The following ZNF624 variants were observed in gnomAD, a reference collection of about 807,000 sequenced individuals.
ZNF624 encodes the protein zinc finger protein 624.
A neutral mutation model predicts 74.7 loss-of-function variants in ZNF624; 43 were observed. That is an observed-to-expected ratio of 0.58 (90% CI 0.45 to 0.74). The LOEUF (loss-of-function observed/expected upper bound fraction) is 0.74. Among genes scored for constraint, ZNF624 ranks in the 30% least tolerant of loss-of-function variants. The pLI, the probability that ZNF624 is intolerant of heterozygous loss-of-function variation, is 0.00. For synonymous variants in ZNF624, 331 were observed against 341.3 expected (o/e 0.97, Z 0.33); for missense variants, 820 against 1,030.0 (o/e 0.80, Z 2.79).
intron 3 of ZNF624, among the ~76,000 whole-genome samples, chr17:16,642,943 G>A (rs1909500221): frequency 6.6e-6 from 1 of 152,154 alleles, no homozygotes; most frequent in African/African-American, 2.4e-5. Flanking sequence ...TTAGTAATTA[G>A]GGAAATAAAG....
At chr17:16,617,282 T>G, downstream of ZNF624, 1 of 1,613,762 alleles carries the variant, frequency 6.2e-7, no homozygotes, top group Non-Finnish European at 8.5e-7. Context: ...GACCATCTTC[T>G]AGATCGAGAC....
intron 3 of ZNF624, among the ~76,000 whole-genome samples, chr17:16,646,674 T>C (rs1489529881): frequency 6.6e-6 from 1 of 152,238 alleles, no homozygotes; most frequent in Non-Finnish European, 1.5e-5. Flanking sequence ...GATTATCTTT[T>C]ATCCTAGCAA....
intron 3 of ZNF624, among the ~76,000 whole-genome samples, chr17:16,636,565 C>G (rs957530551): frequency 6.6e-6 from 1 of 152,110 alleles, no homozygotes; most frequent in African/African-American, 2.4e-5. Flanking sequence ...GGCCGGGCGC[C>G]GTGGCTCATG....
At chr17:16,648,401 T>C (rs1241114916) in intron 2 of ZNF624, among the ~76,000 whole-genome samples, 1 of 152,216 alleles carries the variant, frequency 6.6e-6, no homozygotes, top group Non-Finnish European at 1.5e-5. Context: ...CTCAACAACA[T>C]CTTGTCTAAA....
intron 3 of ZNF624, among the ~76,000 whole-genome samples, chr17:16,645,081 C>T (rs1030791459): frequency 3.3e-5 from 5 of 152,198 alleles, no homozygotes; most frequent in Non-Finnish European, 7.4e-5. Context: ...GCCTATTTTG[C>T]TGTAAGCCTA....
intron 1 of ZNF624, among the ~76,000 whole-genome samples, chr17:16,653,153 A>T (rs892158751): frequency 1.3e-5 from 2 of 152,216 alleles, no homozygotes; most frequent in African/African-American, 4.8e-5. Flanking sequence ...TTTCCCAACC[A>T]ATGCAATAAT....
intron 3 of ZNF624, among the ~76,000 whole-genome samples, chr17:16,636,864 G>A (rs181258761): frequency 1.0e-3 from 157 of 152,062 alleles, no homozygotes; most frequent in African/African-American, 3.5e-3. Flanking sequence ...AATCTCAGCC[G>A]GGTGCAGTGT....
In ZNF624 at chr17:16,621,661, T is replaced by C. The variant is rs1908916238; in HGVS notation, c.*627A>G. The C allele has an allele frequency of 6.6e-6, 1 of 152,190 alleles. No individual in the cohort carries two copies. The highest frequency in any genetic ancestry group is 1.9e-4 in the East Asian group (1 of 5,198). The allele number at this position is 152,190 out of a possible 1,614,324, so 9.4% of individuals were successfully genotyped here. A position where few individuals can be genotyped will look rare whatever the true frequency, so the allele number is the denominator to read the frequency against. ...GGTTCAAAATATTTTCACAGGATAA[T>C]GATCACCTACAGTTGCTCTCCTATG... On this transcript the variant is annotated 3_prime_UTR_variant, in exon 6 of 6. Coordinates refer to ENST00000311331, the MANE Select transcript of ZNF624 (RefSeq NM_020787.4).
chr17:16,652,675 A>G (rs756371525), intron 1 of ZNF624, among the ~76,000 whole-genome samples: 11 of 152,236 alleles, frequency 7.2e-5, no homozygotes, highest in African/African-American at 1.4e-4. Context: ...CCAAAACTCT[A>G]CTGAGACCTC....
chr17:16,622,355 G>A lies in ZNF624; in HGVS notation c.2531C>T (p.Ala844Val), dbSNP rs1247827783. 4.3e-6 allele frequency: 7 copies of A among 1,612,836 alleles called. No individual in the cohort carries two copies. Among genetic ancestry groups the A allele is most frequent in the Non-Finnish European group, 5.9e-6 (7 of 1,179,528 alleles). The change falls in exon 6 of 6, where the codon GCC becomes GTC. Residue 844 changes from alanine (A) to valine (V), a missense_variant. Transcript: ENST00000311331. ...KPYKCNECGK[A>V]FRSSSSLTVH... Reference sequence around the variant, plus strand: ...AGTAAGGCTCGAACTACTCCTGAAGGCTTTTCCACATTCATTACATTTATA... The same window carrying A: ...AGTAAGGCTCGAACTACTCCTGAAGACTTTTCCACATTCATTACATTTATA...
chr17:16,625,188 T>C (rs1293047233), intron 5 of ZNF624, among the ~76,000 whole-genome samples: 2 of 152,168 alleles, frequency 1.3e-5, no homozygotes, highest in Non-Finnish European at 2.9e-5. Flanking sequence ...CTATTTGTTT[T>C]GTTTTGTTTT....
At position 16,622,325 on chromosome 17, in the gene ZNF624, T is replaced by G; in HGVS notation, c.2561A>C (p.His854Pro). The change falls in exon 6 of 6, where the codon CAT becomes CCT. Residue 854 changes from histidine to proline, a missense_variant. His to Pro is a moderately conservative substitution (Grantham distance 77). Coordinates refer to ENST00000311331, the MANE Select transcript of ZNF624 (RefSeq NM_020787.4). ...AGTTTCTCTTTGATGTATTCTTTGA[T>G]GTACAGTAAGGCTCGAACTACTCCT... ...AFRSSSSLTV[H>P]QRIHQRETQL... is the part of the protein sequence containing the mutation. 1 of 1,596,186 alleles carries G rather than the reference T, an allele frequency of 6.3e-7. No homozygotes were observed. The highest frequency in any genetic ancestry group is 8.5e-7 in the Non-Finnish European group (1 of 1,173,930).
At chr17:16,636,799 G>A (rs1909342872) in intron 3 of ZNF624, among the ~76,000 whole-genome samples, 1 of 151,246 alleles carries the variant, frequency 6.6e-6, no homozygotes. Flanking sequence ...TTGCGCCACT[G>A]CACTCCAGCC....
chr17:16,644,673 A>G (rs1051043739), intron 3 of ZNF624, among the ~76,000 whole-genome samples: 2 of 152,236 alleles, frequency 1.3e-5, no homozygotes, highest in African/African-American at 4.8e-5. Flanking sequence ...ATTAGCTTAT[A>G]CTGAGAAAGT....
At chr17:16,633,837 ATCT>A in intron 5 of ZNF624, 22 bp downstream of exon 5, 3 of 1,559,458 alleles carry the variant, frequency 1.9e-6, no homozygotes, top group Non-Finnish European at 2.7e-6. Context: ...AATAAATCCC[ATCT>A]TCTTGGTTCT....
intron 3 of ZNF624, among the ~76,000 whole-genome samples, chr17:16,638,515 T>C (rs1276527476): frequency 6.6e-6 from 1 of 152,170 alleles, no homozygotes; most frequent in Non-Finnish European, 1.5e-5. Context: ...ATATACACCA[T>C]GGAATACTAT....
In ZNF624 at chr17:16,650,616, A is replaced by C. The variant is rs193201110; in HGVS notation, c.-2-870T>G. The stretch of plus-strand genomic sequence containing the variant: ...GCTAATGATATGTATGGCCTTGCTG[A>C]GGCTGAGTTTGGTTCAAGAACCAGG... On this transcript the variant is annotated intron_variant, in intron 1 of 5. Transcript: ENST00000311331. Among the ~76,000 whole-genome samples the C allele has an allele frequency of 1.3e-3, 193 of 152,208 alleles. 1 individual carries two copies. The highest frequency in any genetic ancestry group is 0.012 in the South Asian group (59 of 4,828).
chr17:16,647,340 G>T lies in ZNF624; in HGVS notation c.142C>A (p.Gln48Lys). 2 of 1,613,870 alleles carry T rather than the reference G, an allele frequency of 1.2e-6. No homozygotes were observed. The highest frequency in any genetic ancestry group is 1.1e-5 in the South Asian group (1 of 91,080). The change falls in exon 3 of 6, where the codon CAA becomes AAA. Residue 48 changes from glutamine to lysine, a missense_variant. Transcript: ENST00000311331. Reference protein sequence around the residue: ...EDLHLQAEETQLVKESVTFKD... With the variant: ...EDLHLQAEETKLVKESVTFKD... The stretch of plus-strand genomic sequence containing the variant: ...ACAGTAGGTATTACCTTTACCAATT[G>T]TGTTTCTTCTGCCTGAAGGTGAAGA...
Position 16,622,239 on chromosome 17 carries a change from T to A in ZNF624, c.*49A>T, listed in dbSNP as rs573814495. The A allele has an allele frequency of 9.4e-6, 13 of 1,384,530 alleles. No homozygotes were observed. The African/African-American group carries it at 1.9e-4, about 20-fold the overall frequency. 85.8% of individuals were successfully genotyped at this position (1,384,530 alleles called of 1,614,324 possible). The stretch of plus-strand genomic sequence containing the variant: ...TCCTATATTCATAAAATATAGTTTA[T>A]AAGATTCATCTTGTGGAGTTGACAT... On this transcript the variant is annotated 3_prime_UTR_variant, in exon 6 of 6. Transcript: ENST00000311331.
Sources: allele counts gnomAD v4.1 joint callset (sites outside exome capture counted in the v4.1 genomes callset), GRCh38; gene constraint gnomAD v4.1.1; transcripts MANE v1.5; gene names NCBI Gene and HGNC (gene_info 2026-07-23, HGNC 2026-07-21).